Variants in LRRC51 observed in about 807,000 individuals in gnomAD.
LRRC51 encodes the protein leucine rich repeat containing 51, also known as leucine-rich repeat-containing protein 51.
A neutral mutation model predicts 17.8 loss-of-function variants in LRRC51; 8 were observed. The observed-to-expected ratio is 0.45, with a 90% CI of 0.26 to 0.81. The LOEUF (loss-of-function observed/expected upper bound fraction) is 0.81. Ranked by LOEUF, LRRC51 falls within the 30% of genes least tolerant of loss-of-function variation. LRRC51 has a pLI of 0.17. For missense variants in LRRC51, 233 were observed against 239.3 expected, an observed-to-expected ratio of 0.97 and a Z score of 0.17; for synonymous variants, 92 against 96.0, an observed-to-expected ratio of 0.96 and a Z score of 0.24.
intron 4 of LRRC51, chr11:72,094,589 T>C: frequency 1.6e-6 from 1 of 634,878 alleles, no homozygotes; most frequent in Non-Finnish European, 2.8e-6. Flanking sequence ...AAGCTTCTTA[T>C]GTGCCTAGCA....
chr11:72,081,687 T>C (rs747877424), intron 1 of LRRC51, among the ~76,000 whole-genome samples: 1 of 152,118 alleles, frequency 6.6e-6, no homozygotes. Flanking sequence ...AAGTGCCTCA[T>C]TCCTTCTTCT....
chr11:72,082,863 A>G (rs549032), intron 1 of LRRC51, among the ~76,000 whole-genome samples: 1 of 149,926 alleles, frequency 6.7e-6, no homozygotes, highest in African/African-American at 2.5e-5. Flanking sequence ...CCCCACCCCC[A>G]ATTTTTTTTT....
intron 3 of LRRC51, among the ~76,000 whole-genome samples, chr11:72,092,640 G>C (rs544848167): frequency 2.6e-5 from 4 of 152,246 alleles, no homozygotes; most frequent in Admixed American, 6.5e-5. Context: ...CTGGATTCCT[G>C]CCTCCTTTTC....
chr11:72,090,298 C>T (rs1758071225), intron 3 of LRRC51, among the ~76,000 whole-genome samples: 1 of 152,138 alleles, frequency 6.6e-6, no homozygotes, highest in South Asian at 2.1e-4. Context: ...ATACCTCCTA[C>T]CTATCATGGG....
chr11:72,084,056 GCA>G (rs774753929), intron 1 of LRRC51, among the ~76,000 whole-genome samples: 24 of 152,226 alleles, frequency 1.6e-4, no homozygotes, highest in Non-Finnish European at 2.9e-4. Flanking sequence ...GAGTGCAGTG[GCA>G]CAGTCATAGC....
chr11:72,094,786 A>G (rs965895672), intron 4 of LRRC51, 162 bp from the exon 5 acceptor site: 1 of 1,359,526 alleles, frequency 7.4e-7, no homozygotes, highest in African/African-American at 1.4e-5. Context: ...GTCTTAAAAC[A>G]TAAATAAAAG....
At chr11:72,087,819 AAATT>A (rs1944628420) in intron 1 of LRRC51, among the ~76,000 whole-genome samples, 1 of 152,232 alleles carries the variant, frequency 6.6e-6, no homozygotes, top group Admixed American at 6.5e-5. Flanking sequence ...TAAGTTATTA[AAATT>A]AATTTCACCA....
At position 72,095,052 on chromosome 11, in the gene LRRC51, C is replaced by G; in HGVS notation, c.393C>G (p.Ser131Arg). 1 of 1,613,978 alleles carries G rather than the reference C, an allele frequency of 6.2e-7. No homozygotes were observed. Residue 131 changes from serine to arginine, a missense_variant, in exon 5 of 6, where the codon AGC becomes AGG. By Grantham distance (110) the Ser-to-Arg change is moderately radical (BLOSUM62 -1). Transcript: ENST00000289488. The part of the protein sequence containing the change: ...NKLAVLPRLR[S>R]LTLHGNPMEE... ...TGGCTGTCCTTCCTCGGCTCCGTAG[C>G]CTGACACTCCATGGGAACCCCATGG...
intron 1 of LRRC51, among the ~76,000 whole-genome samples, chr11:72,083,564 C>T (rs1944364419): frequency 6.6e-6 from 1 of 152,022 alleles, no homozygotes; most frequent in East Asian, 1.9e-4. Context: ...CTATGAGATA[C>T]AACTGTAAGA....
chr11:72,094,952 T>C lies in LRRC51; in HGVS notation c.293T>C (p.Leu98Pro). ...FNDLTSIDPVLTTFFNLSVLY... is the reference protein window; with the variant it reads ...FNDLTSIDPVPTTFFNLSVLY... ...TTTGGTTTCCCTCCCCAACAGGTCC[T>C]AACAACTTTCTTCAACCTGAGTGTC... Residue 98 changes from leucine (L) to proline (P), a missense_variant, in exon 5 of 6, where the codon CTA becomes CCA. Leu to Pro is a moderately conservative substitution (Grantham distance 98). Transcript: ENST00000289488. 6.2e-7 allele frequency: 1 copy of C among 1,614,078 alleles called. No homozygotes were observed. The highest frequency in any genetic ancestry group is 1.1e-5 in the South Asian group (1 of 91,050).
At chr11:72,083,756 AAGG>A (rs1196232688) in intron 1 of LRRC51, 1 of 152,184 alleles carries the variant, frequency 6.6e-6, no homozygotes, top group Non-Finnish European at 1.5e-5. Context: ...AGCAAAGCAA[AAGG>A]AGGAGAGAAA....
intron 3 of LRRC51, 76 bp from the exon 4 acceptor site, chr11:72,093,420 T>G (rs1220701739): frequency 1.4e-6 from 2 of 1,409,676 alleles, no homozygotes; most frequent in African/African-American, 2.9e-5. Context: ...TGGCTAATCT[T>G]TCCAGCTCTG....
chr11:72,091,345 G>T (rs548084482), intron 3 of LRRC51, among the ~76,000 whole-genome samples: 3 of 152,270 alleles, frequency 2.0e-5, no homozygotes, highest in African/African-American at 7.2e-5. Context: ...GAATTCATGA[G>T]CTGGGGTACG....
At position 72,094,892 on chromosome 11, in the gene LRRC51, C is replaced by CAG. The variant is rs1333613116; in HGVS notation, c.289-52_289-51dup. 19 of 1,614,182 alleles carry CAG rather than the reference C, an allele frequency of 1.2e-5. No individual in the cohort carries two copies. In the East Asian group the frequency reaches 4.0e-4, roughly 34 times the overall value. ...TCTCTGCCCACGAGTCAGCCCTGAG[C>CAG]AGAGATTCAGGGTCCTGTCCTGTCT... On this transcript the variant is annotated intron_variant, in intron 4 of 5. Coordinates refer to ENST00000289488, the MANE Select transcript of LRRC51 (RefSeq NM_145309.6).
intron 3 of LRRC51, among the ~76,000 whole-genome samples, chr11:72,092,588 G>C (rs925608829): frequency 2.0e-5 from 3 of 152,166 alleles, no homozygotes; most frequent in South Asian, 2.1e-4. Flanking sequence ...TTACACACAG[G>C]GTAAAGCCCA....
intron 4 of LRRC51, 77 bp from the exon 5 acceptor site, chr11:72,094,871 T>C: frequency 1.2e-6 from 2 of 1,614,196 alleles, no homozygotes; most frequent in South Asian, 2.2e-5. Flanking sequence ...CTTCCTTCTC[T>C]GCCCACGAGT....
At position 72,084,861 on chromosome 11, in the gene LRRC51, CGTGTGTGTGTGTGTGTGT is replaced by C. The variant is rs55904624; in HGVS notation, c.-139-3409_-139-3392del. On this transcript the variant is annotated intron_variant, in intron 1 of 5. Coordinates refer to ENST00000289488, the MANE Select transcript of LRRC51 (RefSeq NM_145309.6). ...CAAAAAAAAAAAAAAAAAAGAAAAC[CGTGTGTGTGTGTGTGTGT>C]GTGTGTGTGTGTGTGTGTGTGTGTG... is the stretch of plus-strand genomic sequence containing the variant. 9.9e-4 allele frequency among the ~76,000 whole-genome samples: 123 copies of C among 124,314 alleles called. 3 individuals carry two copies. Among genetic ancestry groups the C allele is most frequent in the South Asian group, 4.9e-3 (19 of 3,914 alleles). 81.6% of individuals were successfully genotyped at this position (124,314 alleles called of 152,430 possible).
At chr11:72,089,260 A>G (rs1386354396) in intron 3 of LRRC51, 95 bp downstream of exon 3, 1 of 1,587,046 alleles carries the variant, frequency 6.3e-7, no homozygotes, top group Non-Finnish European at 8.6e-7. Context: ...GCCTAAAGAG[A>G]TTCTTCCCAT....
intron 3 of LRRC51, among the ~76,000 whole-genome samples, chr11:72,090,971 T>C (rs1356536499): frequency 1.3e-5 from 2 of 152,190 alleles, no homozygotes; most frequent in Non-Finnish European, 2.9e-5. Flanking sequence ...TCCCAAAGCA[T>C]TGATATTTGT....
Sources: gnomAD v4.1 joint callset for allele counts (sites outside exome capture counted in the v4.1 genomes callset) on GRCh38, gnomAD v4.1.1 for gene constraint, MANE v1.5 for transcripts, NCBI Gene and HGNC (gene_info 2026-07-23, HGNC 2026-07-21) for gene names.